PEAK1: variants seen among roughly 807,000 people sequenced by gnomAD.
PEAK1 encodes pseudopodium enriched atypical kinase 1.
Under a neutral mutation model 124.7 loss-of-function variants are expected in PEAK1, and 54 were observed. The observed-to-expected ratio is 0.43, with a 90% CI of 0.35 to 0.54. The LOEUF is 0.54. Ranked by LOEUF, PEAK1 falls within the 20% of genes least tolerant of loss-of-function variation. The pLI is 0.01. For missense variants in PEAK1, 2,046 were observed against 2,134.5 expected (o/e 0.96, Z 0.82); for synonymous variants, 719 against 760.0 (o/e 0.95, Z 0.89).
At chr15:77,192,648 G>A (rs1440209039) in intron 6 of PEAK1, among the ~76,000 whole-genome samples, 1 of 152,176 alleles carries the variant, frequency 6.6e-6, no homozygotes, top group African/African-American at 2.4e-5. Context: ...TTCTTGAAGA[G>A]GTGCTGGGCC....
intron 2 of PEAK1, among the ~76,000 whole-genome samples, chr15:77,318,378 CA>C (rs1370191701): frequency 1.3e-5 from 2 of 151,976 alleles, no homozygotes; most frequent in African/African-American, 2.4e-5. Context: ...TTCAAATGGG[CA>C]AAAAGGATAA....
At chr15:77,320,901 C>T (rs1218209316) in intron 2 of PEAK1, among the ~76,000 whole-genome samples, 2 of 151,776 alleles carry the variant, frequency 1.3e-5, no homozygotes, top group East Asian at 3.9e-4. Flanking sequence ...TGAGTGAGAG[C>T]ATGCGGTGTT....
At chr15:77,247,485 C>CTTTTTTTTTTTTTTTTTTTTTTTT (rs398028029) in intron 6 of PEAK1, among the ~76,000 whole-genome samples, 4 of 84,298 alleles carry the variant, frequency 4.7e-5, no homozygotes, top group Non-Finnish European at 6.3e-5. Flanking sequence ...CTTTTCTTTT[C>CTTTTTTTTTTTTTTTTTTTTTTTT]TTTTTTTTTT....
At chr15:77,245,318 A>G (rs1056192893) in intron 6 of PEAK1, among the ~76,000 whole-genome samples, 3 of 151,488 alleles carry the variant, frequency 2.0e-5, no homozygotes, top group African/African-American at 7.3e-5. Flanking sequence ...TCATGCCACT[A>G]TACTCTAGCC....
intron 6 of PEAK1, among the ~76,000 whole-genome samples, chr15:77,242,776 T>C (rs1164319478): frequency 4.6e-5 from 7 of 152,200 alleles, no homozygotes; most frequent in Non-Finnish European, 1.0e-4. Context: ...AAATTCTCCA[T>C]ATCCTCAAAA....
chr15:77,175,713 G>C (rs2056819258), intron 7 of PEAK1, among the ~76,000 whole-genome samples: 1 of 152,198 alleles, frequency 6.6e-6, no homozygotes, highest in Non-Finnish European at 1.5e-5. Context: ...CAGGCATCTA[G>C]AACTAGAAAT....
intron 1 of PEAK1, chr15:77,402,697 A>G (rs1177876947): frequency 2.0e-6 from 2 of 985,234 alleles, no homozygotes; most frequent in Admixed American, 1.2e-4. Context: ...TAGTACACTG[A>G]TAATATTCAA....
At chr15:77,280,885 A>G (rs1465119838) in intron 5 of PEAK1, among the ~76,000 whole-genome samples, 2 of 152,154 alleles carry the variant, frequency 1.3e-5, no homozygotes, top group Admixed American at 1.3e-4. Flanking sequence ...CTGGCTGGGC[A>G]TGGTGGCTCA....
chr15:77,346,614 A>G (rs766510338), intron 2 of PEAK1: 25 of 985,320 alleles, frequency 2.5e-5, no homozygotes, highest in Non-Finnish European at 2.9e-5. Context: ...GAATTCAACT[A>G]GGAGACAAAA....
At chr15:77,248,417 C>T (rs1487246031) in intron 6 of PEAK1, among the ~76,000 whole-genome samples, 1 of 152,174 alleles carries the variant, frequency 6.6e-6, no homozygotes, top group African/African-American at 2.4e-5. Context: ...TTGTGTCCTC[C>T]TCAAAATTCT....
At chr15:77,257,981 G>A (rs2061249392) in intron 5 of PEAK1, among the ~76,000 whole-genome samples, 1 of 152,166 alleles carries the variant, frequency 6.6e-6, no homozygotes, top group Admixed American at 6.6e-5. Flanking sequence ...TTATTAAATA[G>A]GGAATCCTTT....
At chr15:77,226,265 G>A in intron 6 of PEAK1, among the ~76,000 whole-genome samples, 2 of 148,402 alleles carry the variant, frequency 1.3e-5, no homozygotes, top group African/African-American at 2.5e-5. Context: ...TATTTGATCT[G>A]AGATGTTTGA....
intron 6 of PEAK1, among the ~76,000 whole-genome samples, chr15:77,236,268 G>C (rs1271513252): frequency 6.6e-6 from 1 of 152,166 alleles, no homozygotes; most frequent in Non-Finnish European, 1.5e-5. Context: ...CAGCTGGGAC[G>C]GGGACTGTAC....
intron 2 of PEAK1, among the ~76,000 whole-genome samples, chr15:77,343,866 C>T (rs1331038772): frequency 1.3e-5 from 2 of 152,076 alleles, no homozygotes; most frequent in East Asian, 1.9e-4. Context: ...TGAGGATTTT[C>T]TCCTAGGACT....
intron 9 of PEAK1, among the ~76,000 whole-genome samples, chr15:77,128,911 A>G (rs116341531): frequency 0.022 from 3,278 of 152,266 alleles, 118 homozygotes; most frequent in African/African-American, 0.074. Context: ...TTTGCATGCT[A>G]TAAGGACAGA....
chr15:77,124,872 T>C (rs980016690), intron 9 of PEAK1, among the ~76,000 whole-genome samples: 3 of 152,224 alleles, frequency 2.0e-5, no homozygotes, highest in African/African-American at 7.2e-5. Context: ...AATAGCAAAG[T>C]GGATACAAAA....
intron 2 of PEAK1, among the ~76,000 whole-genome samples, chr15:77,289,150 A>T (rs2063084216): frequency 6.6e-6 from 1 of 152,194 alleles, no homozygotes; most frequent in Non-Finnish European, 1.5e-5. Context: ...CAAAGTTGAC[A>T]TTTAGGTACT....
chr15:77,381,136 G>A (rs1345658076), intron 1 of PEAK1: 2 of 801,608 alleles, frequency 2.5e-6, no homozygotes, highest in African/African-American at 1.9e-5. Context: ...TTTAAATAAT[G>A]GAGTAACATG....
intron 7 of PEAK1, among the ~76,000 whole-genome samples, chr15:77,174,733 C>T (rs2056737445): frequency 1.3e-5 from 2 of 152,100 alleles, no homozygotes; most frequent in Admixed American, 1.3e-4. Flanking sequence ...ACTTTCTTCA[C>T]AGAATTGGAA....
Sources: gnomAD v4.1 joint callset for allele counts (sites outside exome capture counted in the v4.1 genomes callset) on GRCh38, gnomAD v4.1.1 for gene constraint, MANE v1.5 for transcripts, NCBI Gene and HGNC (gene_info 2026-07-23, HGNC 2026-07-21) for gene names.